Variants in PCDHA7 observed in about 807,000 individuals in gnomAD.
The protein encoded by PCDHA7 is protocadherin alpha-7.
A neutral mutation model predicts 57.2 loss-of-function variants in PCDHA7; 37 were observed. The ratio of observed to expected loss-of-function variants is 0.65; its 90% confidence interval spans 0.50 to 0.85. The LOEUF (loss-of-function observed/expected upper bound fraction) is 0.85, where lower values mean the gene tolerates loss of function less well. Ranked by LOEUF, PCDHA7 falls within the 40% of genes least tolerant of loss-of-function variation. The pLI, the probability that PCDHA7 is intolerant of heterozygous loss-of-function variation, is 0.00. For synonymous variants in PCDHA7, 553 were observed against 558.8 expected (o/e 0.99, Z 0.15); for missense variants, 1,188 against 1,241.8 (o/e 0.96, Z 0.65).
At chr5:140,871,528 T>C (rs373016617) in intron 1 of PCDHA7, 418 of 1,530,484 alleles carry the variant, frequency 2.7e-4, no homozygotes, top group Non-Finnish European at 3.4e-4. Flanking sequence ...TATCAGGAAG[T>C]GTATGTGAAA....
intron 1 of PCDHA7, among the ~76,000 whole-genome samples, chr5:140,972,133 C>T (rs532498360): frequency 2.0e-5 from 3 of 152,072 alleles, no homozygotes; most frequent in East Asian, 3.9e-4. Flanking sequence ...CAGTGAGTTA[C>T]TACTATTTTT....
chr5:140,976,383 T>G (rs963492291), intron 1 of PCDHA7, among the ~76,000 whole-genome samples: 4 of 152,058 alleles, frequency 2.6e-5, no homozygotes, highest in African/African-American at 9.7e-5. Context: ...AAACCCCATC[T>G]CTACTAAAAA....
rs782736508 is a variant in PCDHA7 at position 140,857,757 on chromosome 5, G to A, written c.2355+21019G>A. ...CCCGCGCTGCTGGCGTCTCCCGCTGGCAGCGCGGGCGGTGCAGTCAGTGAG... is the reference window on the plus strand; with the variant it reads ...CCCGCGCTGCTGGCGTCTCCCGCTGACAGCGCGGGCGGTGCAGTCAGTGAG... On this transcript the variant is annotated intron_variant, in intron 1 of 3. Coordinates refer to ENST00000525929, the MANE Select transcript of PCDHA7 (RefSeq NM_018910.3). 1.2e-5 allele frequency: 19 copies of A among 1,597,402 alleles called. No individual in the cohort carries two copies. In the East Asian group the frequency reaches 4.0e-4, roughly 34 times the overall value.
chr5:140,923,247 T>G (rs1230824523), intron 1 of PCDHA7, among the ~76,000 whole-genome samples: 6 of 152,252 alleles, frequency 3.9e-5, no homozygotes, highest in African/African-American at 1.4e-4. Flanking sequence ...TGAGACCAGC[T>G]GGGCAACATA....
intron 1 of PCDHA7, chr5:140,868,803 C>A: frequency 2.9e-6 from 1 of 350,392 alleles, no homozygotes; most frequent in South Asian, 7.0e-5. Context: ...CATAAATAAG[C>A]ACGTTGGAAA....
At chr5:140,905,211 G>T (rs1554191947) in intron 1 of PCDHA7, among the ~76,000 whole-genome samples, 1 of 152,130 alleles carries the variant, frequency 6.6e-6, no homozygotes, top group South Asian at 2.1e-4. Context: ...GTTGATTTTT[G>T]TGTAAGGTGA....
chr5:140,849,665 G>T (rs1255665975), intron 1 of PCDHA7: 1 of 1,598,534 alleles, frequency 6.3e-7, no homozygotes, highest in East Asian at 2.2e-5. Flanking sequence ...GCTCCCTGAC[G>T]CCCCACGTCC....
At chr5:140,902,199 CTT>C (rs1290062929) in intron 1 of PCDHA7, among the ~76,000 whole-genome samples, 2 of 139,232 alleles carry the variant, frequency 1.4e-5, no homozygotes, top group Admixed American at 7.2e-5. Flanking sequence ...CTCTCTCTCT[CTT>C]TCTTTTTTTT....
intron 1 of PCDHA7, chr5:140,876,238 C>G (rs782170059): frequency 2.5e-6 from 4 of 1,613,896 alleles, no homozygotes; most frequent in Non-Finnish European, 3.4e-6. Context: ...TGAAAATGTC[C>G]AAAACGACAC....
intron 1 of PCDHA7, chr5:140,875,402 C>A: frequency 6.7e-7 from 1 of 1,488,874 alleles, no homozygotes; most frequent in Admixed American, 2.6e-5. Flanking sequence ...AGGGTGACTG[C>A]TCATAAAATA....
At chr5:140,901,128 A>G (rs1429296842) in intron 1 of PCDHA7, among the ~76,000 whole-genome samples, 3 of 152,114 alleles carry the variant, frequency 2.0e-5, no homozygotes, top group South Asian at 2.1e-4. Flanking sequence ...TTAGATGGGT[A>G]GATTGTAAAT....
At chr5:140,968,253 C>A (rs782229675) in intron 1 of PCDHA7, 3 of 1,613,908 alleles carry the variant, frequency 1.9e-6, no homozygotes, top group Non-Finnish European at 2.5e-6. Flanking sequence ...GCCACAGACC[C>A]AGATGAAAAG....
rs782467193 is a variant in PCDHA7, at chr5:140,884,498, G to A, written c.2355+47760G>A. 8.1e-6 allele frequency: 13 copies of A among 1,613,958 alleles called. No homozygotes were observed. The Admixed American group carries it at 8.3e-5, about 10-fold the overall frequency. On this transcript the variant is annotated intron_variant, in intron 1 of 3. Transcript: ENST00000525929. ...CAAGCCCACTCTAGTGTGCTCCAGC[G>A]CGGCAGGGAGTTGGTCGTACTCGCA...
chr5:140,841,865 G>A, intron 1 of PCDHA7: 1 of 1,613,856 alleles, frequency 6.2e-7, no homozygotes, highest in Non-Finnish European at 8.5e-7. Context: ...CATGCTAGAT[G>A]TGAATTCAAA....
intron 3 of PCDHA7, among the ~76,000 whole-genome samples, chr5:140,989,687 G>A (rs956131200): frequency 2.0e-4 from 31 of 152,176 alleles, no homozygotes; most frequent in African/African-American, 6.3e-4. Flanking sequence ...TCAAAGGAAC[G>A]TGAAAATTTT....
intron 1 of PCDHA7, among the ~76,000 whole-genome samples, chr5:140,946,015 G>A (rs246056): frequency 0.57 from 86,078 of 151,518 alleles, 25,094 homozygotes; most frequent in African/African-American, 0.71. Context: ...AAGCTCCTGC[G>A]CAGCAAAGAA....
intron 1 of PCDHA7, among the ~76,000 whole-genome samples, chr5:140,953,493 A>G (rs959606912): frequency 8.5e-5 from 13 of 152,108 alleles, no homozygotes; most frequent in Non-Finnish European, 1.5e-5. Flanking sequence ...CACAACCTTG[A>G]TCAGCTATTA....
chr5:140,856,154 G>C lies in PCDHA7; in HGVS notation c.2355+19416G>C, dbSNP rs147800828. The stretch of plus-strand genomic sequence containing the variant: ...CGGCCAGCTCCACTACTCAGTCTAC[G>C]AGGAGGCCAGACACGGCACCTTCGT... On this transcript the variant is annotated intron_variant, in intron 1 of 3. Transcript: ENST00000525929. 5.9e-5 allele frequency: 95 copies of C among 1,598,194 alleles called. 6 individuals are homozygous for C. The highest frequency in any genetic ancestry group is 7.7e-5 in the Non-Finnish European group (90 of 1,167,888).
chr5:140,991,086 T>C (rs2097431989), intron 3 of PCDHA7, among the ~76,000 whole-genome samples: 1 of 152,206 alleles, frequency 6.6e-6, no homozygotes, highest in African/African-American at 2.4e-5. Context: ...ATAAAAAAAT[T>C]AAAGCTCATA....
Sources: allele counts gnomAD v4.1 joint callset (sites outside exome capture counted in the v4.1 genomes callset), GRCh38; gene constraint gnomAD v4.1.1; transcripts MANE v1.5; gene names NCBI Gene and HGNC (gene_info 2026-07-23, HGNC 2026-07-21).